NRXN3: variants seen among roughly 807,000 people sequenced by gnomAD.
NRXN3 encodes neurexin III.
A neutral mutation model predicts 137.6 loss-of-function variants in NRXN3; 32 were observed. The observed-to-expected ratio is 0.23, with a 90% CI of 0.18 to 0.31. The LOEUF is 0.31. NRXN3 is among the 10% of genes least tolerant of loss of function. The pLI, the probability that NRXN3 is intolerant of heterozygous loss-of-function variation, is 1.00. For synonymous variants in NRXN3, 798 were observed against 784.5 expected (o/e 1.02, Z -0.29); for missense variants, 1,574 against 2,062.5 (o/e 0.76, Z 4.59).
At chr14:78,795,315 A>G (rs1454550969) in intron 8 of NRXN3, among the ~76,000 whole-genome samples, 2 of 152,230 alleles carry the variant, frequency 1.3e-5, no homozygotes, top group African/African-American at 2.4e-5. Context: ...CTCCTTTAAC[A>G]CAATAATTTT....
At chr14:79,849,739 T>C (rs1431972138) in intron 20 of NRXN3, among the ~76,000 whole-genome samples, 1 of 152,188 alleles carries the variant, frequency 6.6e-6, no homozygotes, top group Non-Finnish European at 1.5e-5. Context: ...AACCCAGCAA[T>C]GCCTTTTCTG....
intron 16 of NRXN3, among the ~76,000 whole-genome samples, chr14:79,527,578 A>G (rs1285138558): frequency 6.6e-6 from 1 of 152,054 alleles, no homozygotes; most frequent in Non-Finnish European, 1.5e-5. Context: ...TGTTAGAAAG[A>G]ATTTAAAATA....
intron 20 of NRXN3, chr14:79,853,541 A>G (rs1171925675): frequency 1.9e-5 from 26 of 1,349,496 alleles, no homozygotes; most frequent in Non-Finnish European, 2.5e-5. Flanking sequence ...CCTTACAGCC[A>G]GAAGCTCTAA....
chr14:79,769,858 T>C (rs1014677963), intron 19 of NRXN3, among the ~76,000 whole-genome samples: 7 of 152,264 alleles, frequency 4.6e-5, no homozygotes, highest in African/African-American at 1.4e-4. Context: ...GACCCATCAG[T>C]GTGCTGTATT....
At chr14:79,740,096 G>A (rs1033937242) in intron 19 of NRXN3, among the ~76,000 whole-genome samples, 3 of 152,106 alleles carry the variant, frequency 2.0e-5, no homozygotes, top group Non-Finnish European at 4.4e-5. Context: ...TTGAGTTAGT[G>A]TATCACTGTC....
At chr14:78,187,310 A>C (rs2060314379) in intron 1 of NRXN3, among the ~76,000 whole-genome samples, 1 of 151,528 alleles carries the variant, frequency 6.6e-6, no homozygotes, top group Non-Finnish European at 1.5e-5. Flanking sequence ...CTGGGTTTCA[A>C]GATGTGGAGG....
chr14:79,058,915 A>T (rs561855538), intron 15 of NRXN3, among the ~76,000 whole-genome samples: 11 of 152,288 alleles, frequency 7.2e-5, no homozygotes, highest in Admixed American at 4.6e-4. Context: ...TTACGCCGTG[A>T]TTGTAACTTT....
intron 10 of NRXN3, among the ~76,000 whole-genome samples, chr14:78,888,346 T>C (rs1202076906): frequency 6.6e-6 from 1 of 151,842 alleles, no homozygotes; most frequent in Non-Finnish European, 1.5e-5. Flanking sequence ...ATTCTGAGTA[T>C]CCAGAATGAG....
At chr14:79,387,214 G>T (rs1213672675) in intron 15 of NRXN3, among the ~76,000 whole-genome samples, 2 of 151,820 alleles carry the variant, frequency 1.3e-5, no homozygotes, top group African/African-American at 4.8e-5. Flanking sequence ...CTGACAAAGG[G>T]CTAATATCCA....
At chr14:79,385,849 A>C (rs957261498) in intron 15 of NRXN3, among the ~76,000 whole-genome samples, 2 of 152,222 alleles carry the variant, frequency 1.3e-5, no homozygotes, top group Non-Finnish European at 2.9e-5. Flanking sequence ...AACCAAAGAC[A>C]AAAACCACAT....
chr14:78,321,706 C>T (rs2079390719), intron 4 of NRXN3, among the ~76,000 whole-genome samples: 1 of 151,960 alleles, frequency 6.6e-6, no homozygotes, highest in Admixed American at 6.5e-5. Context: ...TGTACTTCTT[C>T]CTTTCACAGT....
At chr14:78,406,573 T>C (rs1191308184) in intron 4 of NRXN3, among the ~76,000 whole-genome samples, 3 of 152,142 alleles carry the variant, frequency 2.0e-5, no homozygotes, top group Non-Finnish European at 2.9e-5. Context: ...TAATGTCCCA[T>C]AGCAGAGGAT....
intron 15 of NRXN3, among the ~76,000 whole-genome samples, chr14:79,062,752 A>G (rs1056834396): frequency 2.0e-5 from 3 of 152,204 alleles, no homozygotes; most frequent in African/African-American, 7.2e-5. Context: ...AATTAGAGTA[A>G]TCAAAGGGTT....
chr14:79,681,772 T>G (rs1406080237), intron 17 of NRXN3, among the ~76,000 whole-genome samples: 1 of 151,772 alleles, frequency 6.6e-6, no homozygotes, highest in Non-Finnish European at 1.5e-5. Flanking sequence ...TTTAACACAC[T>G]GGAAAAGAAG....
intron 15 of NRXN3, among the ~76,000 whole-genome samples, chr14:79,450,708 T>G (rs997157555): frequency 1.3e-5 from 2 of 151,676 alleles, no homozygotes; most frequent in African/African-American, 4.8e-5. Flanking sequence ...TCTACTAAAA[T>G]TATAAAAGTT....
At chr14:79,814,293 CT>C (rs1264850695) in intron 20 of NRXN3, among the ~76,000 whole-genome samples, 1 of 152,226 alleles carries the variant, frequency 6.6e-6, no homozygotes, top group Non-Finnish European at 1.5e-5. Flanking sequence ...GTCTTGCCAT[CT>C]TGTCTTGTCC....
intron 4 of NRXN3, among the ~76,000 whole-genome samples, chr14:78,461,105 A>T (rs1211491272): frequency 1.3e-5 from 2 of 152,222 alleles, no homozygotes; most frequent in Non-Finnish European, 2.9e-5. Context: ...TAGAATCCTG[A>T]CACTAATGTT....
At chr14:79,440,238 A>G (rs1190540395) in intron 15 of NRXN3, among the ~76,000 whole-genome samples, 3 of 152,238 alleles carry the variant, frequency 2.0e-5, no homozygotes, top group African/African-American at 7.2e-5. Flanking sequence ...CAGCCAAGGC[A>G]GAAAGTGATT....
intron 15 of NRXN3, among the ~76,000 whole-genome samples, chr14:79,361,914 A>G (rs1428239051): frequency 1.3e-5 from 2 of 151,932 alleles, no homozygotes; most frequent in Non-Finnish European, 2.9e-5. Flanking sequence ...CATTCTTGCT[A>G]TAATTTACTT....
Sources: gnomAD v4.1 joint callset for allele counts (sites outside exome capture counted in the v4.1 genomes callset) on GRCh38, gnomAD v4.1.1 for gene constraint, MANE v1.5 for transcripts, NCBI Gene and HGNC (gene_info 2026-07-23, HGNC 2026-07-21) for gene names.